GALNT13: variants seen among roughly 807,000 people sequenced by gnomAD.
GALNT13 encodes the protein polypeptide N-acetylgalactosaminyltransferase 13.
In GALNT13, 28 loss-of-function variants were observed where a neutral mutation model predicts 64.2. That is an observed-to-expected ratio of 0.44 (90% CI 0.32 to 0.60). GALNT13 has a LOEUF of 0.60. Ranked by LOEUF, GALNT13 falls within the 20% of genes least tolerant of loss-of-function variation. GALNT13 has a pLI of 0.05. For synonymous variants in GALNT13, 214 were observed against 224.6 expected, an observed-to-expected ratio of 0.95 and a Z score of 0.42; for missense variants, 577 against 669.8, an observed-to-expected ratio of 0.86 and a Z score of 1.53.
chr2:154,154,833 C>T (rs2105640690), intron 4 of GALNT13, among the ~76,000 whole-genome samples: 1 of 151,680 alleles, frequency 6.6e-6, no homozygotes, highest in African/African-American at 2.4e-5. Flanking sequence ...AACTGATTTT[C>T]CAGAATAGGT....
chr2:154,179,582 T>C (rs2105725694), intron 4 of GALNT13, among the ~76,000 whole-genome samples: 1 of 152,252 alleles, frequency 6.6e-6, no homozygotes, highest in Non-Finnish European at 1.5e-5. Flanking sequence ...TTTTGCAGGG[T>C]TGTATCTTTG....
chr2:153,590,178 A>G, the GALNT13 span, among the ~76,000 whole-genome samples: 1 of 152,192 alleles, frequency 6.6e-6, no homozygotes, highest in Non-Finnish European at 1.5e-5. Context: ...TTTTGGTTAT[A>G]GAAAACATTA....
chr2:154,250,562 G>A (rs1450975361), intron 7 of GALNT13, among the ~76,000 whole-genome samples: 2 of 151,924 alleles, frequency 1.3e-5, no homozygotes, highest in Non-Finnish European at 2.9e-5. Flanking sequence ...TATGAAATTT[G>A]TTTTAATATT....
chr2:154,200,622 C>T (rs1321933086), intron 4 of GALNT13, among the ~76,000 whole-genome samples: 1 of 152,156 alleles, frequency 6.6e-6, no homozygotes, highest in African/African-American at 2.4e-5. Flanking sequence ...GAGAGGAATG[C>T]TATGTCCTCA....
At chr2:154,109,892 T>A (rs1249630753) in intron 3 of GALNT13, among the ~76,000 whole-genome samples, 2 of 152,224 alleles carry the variant, frequency 1.3e-5, no homozygotes, top group East Asian at 3.9e-4. Flanking sequence ...TATTTTTGCA[T>A]CTGTATTCTT....
At chr2:153,976,849 CAT>C (rs1436663398) in intron 3 of GALNT13, among the ~76,000 whole-genome samples, 3 of 151,922 alleles carry the variant, frequency 2.0e-5, no homozygotes, top group Non-Finnish European at 4.4e-5. Flanking sequence ...AATATGGAAA[CAT>C]GAAAAATTAT....
At chr2:154,044,726 G>T (rs1046545924) in intron 3 of GALNT13, among the ~76,000 whole-genome samples, 4 of 152,162 alleles carry the variant, frequency 2.6e-5, no homozygotes, top group Admixed American at 2.6e-4. Flanking sequence ...GAGAATGAAG[G>T]ATAATTCTTA....
chr2:153,433,870 G>A, the GALNT13 span, among the ~76,000 whole-genome samples: 3 of 151,730 alleles, frequency 2.0e-5, no homozygotes, highest in Non-Finnish European at 4.4e-5. Context: ...GGGTACATGT[G>A]CACCACGTAC....
intron 3 of GALNT13, among the ~76,000 whole-genome samples, chr2:154,043,432 A>ATC: frequency 9.1e-6 from 1 of 110,068 alleles, no homozygotes; most frequent in Non-Finnish European, 1.8e-5. Context: ...ATATATATAT[A>ATC]TATATATATA....
the GALNT13 span, among the ~76,000 whole-genome samples, chr2:153,109,724 A>G: frequency 6.6e-6 from 1 of 152,064 alleles, no homozygotes; most frequent in African/African-American, 2.4e-5. Context: ...TAGGACAATA[A>G]TCTGACATTT....
intron 9 of GALNT13, among the ~76,000 whole-genome samples, chr2:154,305,175 A>G (rs1245487087): frequency 6.6e-6 from 1 of 152,226 alleles, no homozygotes; most frequent in Non-Finnish European, 1.5e-5. Flanking sequence ...AATTTAGGCT[A>G]AAACAGCAGT....
the GALNT13 span, among the ~76,000 whole-genome samples, chr2:153,456,009 C>T: frequency 6.6e-6 from 1 of 152,108 alleles, no homozygotes; most frequent in African/African-American, 2.4e-5. Flanking sequence ...AATTCTTCTC[C>T]GGTTACATCA....
the GALNT13 span, among the ~76,000 whole-genome samples, chr2:153,158,310 GGC>G: frequency 4.6e-5 from 7 of 152,088 alleles, no homozygotes; most frequent in African/African-American, 1.4e-4. Flanking sequence ...AAATCTCTAA[GGC>G]TATGAAGTAA....
At chr2:153,599,339 C>G in the GALNT13 span, among the ~76,000 whole-genome samples, 1 of 152,132 alleles carries the variant, frequency 6.6e-6, no homozygotes, top group African/African-American at 2.4e-5. Context: ...CTTATTTCTT[C>G]TATCTAACTG....
intron 2 of GALNT13, among the ~76,000 whole-genome samples, chr2:153,932,599 T>A (rs1690605657): frequency 6.7e-6 from 1 of 149,722 alleles, no homozygotes; most frequent in Non-Finnish European, 1.5e-5. Flanking sequence ...GATCTTCTTT[T>A]TCTTTTTTTT....
At chr2:154,164,564 T>C (rs1412122284) in intron 4 of GALNT13, among the ~76,000 whole-genome samples, 1 of 152,094 alleles carries the variant, frequency 6.6e-6, no homozygotes, top group Non-Finnish European at 1.5e-5. Flanking sequence ...ATATATAGGA[T>C]GTGAGATTCA....
chr2:153,351,936 G>T, the GALNT13 span, among the ~76,000 whole-genome samples: 2 of 152,168 alleles, frequency 1.3e-5, no homozygotes, highest in Non-Finnish European at 2.9e-5. Context: ...GCAAGTTTTT[G>T]TGTGGACATC....
At chr2:153,982,188 G>A (rs965920839) in intron 3 of GALNT13, among the ~76,000 whole-genome samples, 1 of 152,084 alleles carries the variant, frequency 6.6e-6, no homozygotes, top group South Asian at 2.1e-4. Context: ...TTTTAGTTAA[G>A]TGAAATGCTA....
chr2:153,178,596 T>C, the GALNT13 span, among the ~76,000 whole-genome samples: 2 of 152,164 alleles, frequency 1.3e-5, no homozygotes, highest in Non-Finnish European at 2.9e-5. Context: ...CTAATATATA[T>C]TGTGGATATT....
Sources: gnomAD v4.1 joint callset for allele counts (sites outside exome capture counted in the v4.1 genomes callset) on GRCh38, gnomAD v4.1.1 for gene constraint, MANE v1.5 for transcripts, NCBI Gene and HGNC (gene_info 2026-07-23, HGNC 2026-07-21) for gene names.